ARHGAP22: variants seen among roughly 807,000 people sequenced by gnomAD.
The protein encoded by ARHGAP22 is Rho GTPase activating protein 22, also known as rho GTPase-activating protein 22.
In ARHGAP22, 48 loss-of-function variants were observed where a neutral mutation model predicts 59.1. That is an observed-to-expected ratio of 0.81 (90% confidence interval 0.64 to 1.03). ARHGAP22 has a LOEUF of 1.03. Among genes scored for constraint, ARHGAP22 ranks in the 50% least tolerant of loss-of-function variants. The pLI is 0.00. For synonymous variants in ARHGAP22, 445 were observed against 416.4 expected, an observed-to-expected ratio of 1.07 and a Z score of -0.84; for missense variants, 1,015 against 958.7, an observed-to-expected ratio of 1.06 and a Z score of -0.78.
intron 3 of ARHGAP22, among the ~76,000 whole-genome samples, chr10:48,554,533 G>T (rs1392004028): frequency 1.3e-5 from 2 of 152,168 alleles, no homozygotes; most frequent in Non-Finnish European, 2.9e-5. Context: ...TTCCCATCAC[G>T]CTGCCAGTGG....
chr10:48,588,419 C>A (rs574929271), intron 1 of ARHGAP22, among the ~76,000 whole-genome samples: 1 of 152,334 alleles, frequency 6.6e-6, no homozygotes, highest in East Asian at 1.9e-4. Flanking sequence ...GGAAAATAAT[C>A]ATTGCTATGA....
intron 2 of ARHGAP22, among the ~76,000 whole-genome samples, chr10:48,568,924 C>A (rs778722746): frequency 6.6e-6 from 1 of 152,228 alleles, no homozygotes; most frequent in Non-Finnish European, 1.5e-5. Flanking sequence ...AGAACAGACC[C>A]AGCTACTCAG....
chr10:48,625,744 T>C (rs150482125), intron 1 of ARHGAP22, among the ~76,000 whole-genome samples: 1 of 145,500 alleles, frequency 6.9e-6, no homozygotes, highest in African/African-American at 2.5e-5. Context: ...ACACACCTGC[T>C]TTGCTGGGCT....
At chr10:48,608,113 G>A (rs900810377), upstream of ARHGAP22, among the ~76,000 whole-genome samples, 1 of 152,254 alleles carries the variant, frequency 6.6e-6, no homozygotes, top group Non-Finnish European at 1.5e-5. Flanking sequence ...GATTCAGCCA[G>A]GGTTGAGAAC....
chr10:48,516,681 A>G (rs1372437911), intron 3 of ARHGAP22, among the ~76,000 whole-genome samples: 1 of 152,258 alleles, frequency 6.6e-6, no homozygotes, highest in Non-Finnish European at 1.5e-5. Context: ...CATTTTAAGA[A>G]TTAATACCAA....
At chr10:48,479,547 C>T (rs755509579) in intron 4 of ARHGAP22, 89 bp downstream of exon 4, 3 of 1,604,222 alleles carry the variant, frequency 1.9e-6, no homozygotes, top group East Asian at 4.5e-5. Flanking sequence ...CCTCAGTGAG[C>T]AGGGTCTTTG....
At chr10:48,504,952 T>C (rs1452906137) in intron 3 of ARHGAP22, among the ~76,000 whole-genome samples, 2 of 152,030 alleles carry the variant, frequency 1.3e-5, no homozygotes, top group Admixed American at 6.5e-5. Flanking sequence ...TGGGTGTGAG[T>C]GGAGCCTAGG....
rs139881374 is a variant in ARHGAP22 at position 48,603,499 on chromosome 10, T to A, written c.34+1264A>T. On this transcript the variant is annotated intron_variant, in intron 1 of 9. Transcript: ENST00000249601. ...CTTTTTTTGTACTAAATCATCAAAA[T>A]TTGGTGTGTCTTTTTCTCAATTTGG... is the stretch of plus-strand genomic sequence containing the variant. 4.5e-3 allele frequency among the ~76,000 whole-genome samples: 687 copies of A among 152,310 alleles called. 3 individuals are homozygous for A. The highest frequency in any genetic ancestry group is 0.016 in the African/African-American group (654 of 41,582).
At chr10:48,519,154 G>A (rs1026860428) in intron 3 of ARHGAP22, among the ~76,000 whole-genome samples, 1 of 152,184 alleles carries the variant, frequency 6.6e-6, no homozygotes, top group Non-Finnish European at 1.5e-5. Context: ...GAGGACTGTG[G>A]CTCCCCGAAT....
At chr10:48,592,854 C>G (rs2059845800) in intron 1 of ARHGAP22, among the ~76,000 whole-genome samples, 5 of 152,226 alleles carry the variant, frequency 3.3e-5, no homozygotes, top group Admixed American at 3.3e-4. Context: ...ACTGCTGCAG[C>G]CTCTTCAAAA....
At chr10:48,576,761 T>A (rs901780363) in intron 2 of ARHGAP22, among the ~76,000 whole-genome samples, 1 of 152,158 alleles carries the variant, frequency 6.6e-6, no homozygotes, top group African/African-American at 2.4e-5. Context: ...TTCTTTTCTA[T>A]CTTTCTCCTT....
At chr10:48,571,069 C>T (rs759303701) in intron 2 of ARHGAP22, among the ~76,000 whole-genome samples, 2 of 152,184 alleles carry the variant, frequency 1.3e-5, no homozygotes, top group Non-Finnish European at 2.9e-5. Flanking sequence ...CTTATAAGGT[C>T]TCGGATGAAC....
intron 3 of ARHGAP22, among the ~76,000 whole-genome samples, chr10:48,540,787 A>G (rs1246770350): frequency 6.6e-6 from 1 of 151,932 alleles, no homozygotes; most frequent in African/African-American, 2.4e-5. Flanking sequence ...CTTTTGGATG[A>G]TTGCTCCTTC....
chr10:48,483,338 A>AT (rs1424630478), intron 3 of ARHGAP22, among the ~76,000 whole-genome samples: 1 of 152,118 alleles, frequency 6.6e-6, no homozygotes, highest in African/African-American at 2.4e-5. Context: ...CCAAGGTCTG[A>AT]TTTTTCCCCC....
At chr10:48,509,483 C>A (rs2052528051) in intron 3 of ARHGAP22, among the ~76,000 whole-genome samples, 1 of 152,200 alleles carries the variant, frequency 6.6e-6, no homozygotes, top group South Asian at 2.1e-4. Flanking sequence ...CTACAAATAG[C>A]ACTAACTTGG....
At chr10:48,606,874 GC>G (rs1201297793), upstream of ARHGAP22, among the ~76,000 whole-genome samples, 2 of 152,124 alleles carry the variant, frequency 1.3e-5, no homozygotes, top group African/African-American at 2.4e-5. Flanking sequence ...CCCTCCCTGA[GC>G]CCCAGGCTGA....
intron 1 of ARHGAP22, among the ~76,000 whole-genome samples, chr10:48,593,976 T>C (rs938654709): frequency 6.6e-6 from 1 of 152,228 alleles, no homozygotes; most frequent in Non-Finnish European, 1.5e-5. Flanking sequence ...GGGAATGAAT[T>C]TTTTTATTAT....
rs894938286 is a variant in ARHGAP22, at chr10:48,577,497, G to A, written c.234+5456C>T. On this transcript the variant is annotated intron_variant, in intron 2 of 9. Transcript: ENST00000249601. Reference sequence around the variant, plus strand: ...CCGCCATTTTACTGGAGAACCTCTGGAGAAATTTACTGGAGAAAATTCATC... The same window carrying A: ...CCGCCATTTTACTGGAGAACCTCTGAAGAAATTTACTGGAGAAAATTCATC... Among the ~76,000 whole-genome samples, 7 of 152,146 alleles carry A rather than the reference G, an allele frequency of 4.6e-5. No homozygotes were observed. In the East Asian group the frequency reaches 7.7e-4, roughly 17 times the overall value.
rs141635933 is a variant in ARHGAP22 at position 48,555,684 on chromosome 10, G to A, written c.235-134C>T. On this transcript the variant is annotated intron_variant, in intron 2 of 9. Coordinates refer to ENST00000249601, the MANE Select transcript of ARHGAP22 (RefSeq NM_021226.4). ...ATGGCTGGGAAGGCTGGGCCTCAGA[G>A]AGGGGCACACACCTCCTCTCCTAGG... 5 of 757,642 alleles carry A rather than the reference G, an allele frequency of 6.6e-6. No homozygotes were observed. In the African/African-American group the frequency reaches 6.9e-5, roughly 10 times the overall value. 46.9% of individuals were successfully genotyped at this position (757,642 alleles called of 1,614,324 possible).
Sources: gnomAD v4.1 joint callset for allele counts (sites outside exome capture counted in the v4.1 genomes callset) on GRCh38, gnomAD v4.1.1 for gene constraint, MANE v1.5 for transcripts, NCBI Gene and HGNC (gene_info 2026-07-23, HGNC 2026-07-21) for gene names.